CD34: variants seen among roughly 807,000 people sequenced by gnomAD.
CD34 encodes the protein hematopoietic progenitor cell antigen CD34.
In CD34, 34 loss-of-function variants were observed where a neutral mutation model predicts 40.1. The observed-to-expected ratio is 0.85, with a 90% CI of 0.65 to 1.13. CD34 has a LOEUF of 1.13. Ranked by LOEUF, CD34 falls within the 50% of genes most tolerant of loss-of-function variation. The pLI is 0.00. For synonymous variants in CD34, 209 were observed against 190.0 expected (o/e 1.10, Z -0.82); for missense variants, 426 against 466.9 (o/e 0.91, Z 0.81).
intron 3 of CD34, among the ~76,000 whole-genome samples, chr1:207,898,282 T>A (rs1048919758): frequency 2.6e-5 from 4 of 152,126 alleles, no homozygotes; most frequent in African/African-American, 7.2e-5. Flanking sequence ...TGACCTCAAG[T>A]GATCTGCCCA....
In CD34 at chr1:207,883,432, G is replaced by A. The variant is rs1010601216; in HGVS notation, c.*4306C>T. ...AGCACTTCATTTAGTCTTTCCTCGT[G>A]TTATTTCTCACTTTCTGTTGTGCAT... On this transcript the variant is annotated 3_prime_UTR_variant, in exon 8 of 8. Transcript: ENST00000310833. 3 of 152,152 alleles carry A rather than the reference G, an allele frequency of 2.0e-5. No individual in the cohort carries two copies. Among genetic ancestry groups the A allele is most frequent in the Admixed American group, 6.5e-5 (1 of 15,278 alleles). The allele number at this position is 152,152 out of a possible 1,614,324, so 9.4% of individuals were successfully genotyped here. A position where few individuals can be genotyped will look rare whatever the true frequency, so the allele number is the denominator to read the frequency against.
In CD34 at chr1:207,891,317, G is replaced by T. The variant is rs1466696898; in HGVS notation, c.598-1696C>A. Among the ~76,000 whole-genome samples the T allele has an allele frequency of 2.6e-5, 4 of 152,116 alleles. No individual in the cohort carries two copies. In the South Asian group the frequency reaches 8.3e-4, roughly 32 times the overall value. On this transcript the variant is annotated intron_variant, in intron 4 of 7. Transcript: ENST00000310833. The stretch of plus-strand genomic sequence containing the variant: ...TTGTATTCATGTGTCATGTGTAGGG[G>T]GGTGGGGATTGGGAGGTATCTATGA...
At position 207,887,909 on chromosome 1, in the gene CD34, A is replaced by T; in HGVS notation, c.987T>A (p.Tyr329Ter). Residue 329 changes from tyrosine to a stop codon, truncating the protein, a stop_gained, in exon 8 of 8, where the codon TAT (tyrosine) becomes TAA (stop). Transcript: ENST00000310833. LOFTEE classifies it high-confidence loss of function. ...CCTGGCCTCCACCGTTTTCCGTGTA[A>T]TAAGGGTCTTCGCCCTAGACAGTGT... ...PTGERLGEDP[Y>*]YTENGGGQGY... 1 of 1,613,962 alleles carries T rather than the reference A, an allele frequency of 6.2e-7. No homozygotes were observed. Among genetic ancestry groups the T allele is most frequent in the Non-Finnish European group, 8.5e-7 (1 of 1,179,968 alleles).
intron 2 of CD34, 131 bp from the exon 3 acceptor site, chr1:207,899,357 C>G (rs961733652): frequency 2.3e-6 from 2 of 880,300 alleles, no homozygotes; most frequent in African/African-American, 3.3e-5. Context: ...ACTTCGTGTC[C>G]CATCCCTGAC....
At position 207,884,966 on chromosome 1, in the gene CD34, G is replaced by C. The variant is rs1472666742; in HGVS notation, c.*2772C>G. The C allele has an allele frequency of 1.3e-5, 2 of 152,182 alleles. No homozygotes were observed. Among genetic ancestry groups the C allele is most frequent in the East Asian group, 3.8e-4 (2 of 5,196 alleles). The allele number at this position is 152,182 out of a possible 1,614,324, so 9.4% of individuals were successfully genotyped here. A position where few individuals can be genotyped will look rare whatever the true frequency, so the allele number is the denominator to read the frequency against. On this transcript the variant is annotated 3_prime_UTR_variant, in exon 8 of 8. Transcript: ENST00000310833. ...ACACGGAGGACTCGGCAGAAGAGTA[G>C]GATGATATGATGGAAGGGAAAACTA... is the stretch of plus-strand genomic sequence containing the variant.
At chr1:207,909,707 G>A (rs1031375605) in intron 1 of CD34, among the ~76,000 whole-genome samples, 8 of 152,128 alleles carry the variant, frequency 5.3e-5, no homozygotes, top group African/African-American at 1.4e-4. Context: ...GCGCCCGGCC[G>A]ACTCACTCCT....
In CD34 at chr1:207,900,956, G is replaced by C. The variant is rs939286663; in HGVS notation, c.80-953C>G. Among the ~76,000 whole-genome samples the C allele has an allele frequency of 4.0e-5, 6 of 149,810 alleles. No individual in the cohort carries two copies. In the East Asian group the frequency reaches 9.7e-4, roughly 24 times the overall value. ...CATTTTTCTCTGAAGATCTTCATGA[G>C]TGTCTTTGCACATCTCTTCTGTATA... On this transcript the variant is annotated intron_variant, in intron 1 of 7. Coordinates refer to ENST00000310833, the MANE Select transcript of CD34 (RefSeq NM_001025109.2).
intron 1 of CD34, among the ~76,000 whole-genome samples, chr1:207,905,289 C>T (rs1038254934): frequency 6.6e-6 from 1 of 152,228 alleles, no homozygotes; most frequent in Non-Finnish European, 1.5e-5. Context: ...GCATGTGCCA[C>T]CATGCCCGGC....
chr1:207,899,425 C>G (rs980547561), intron 2 of CD34, among the ~76,000 whole-genome samples, 199 bp from the exon 3 acceptor site: 1 of 152,138 alleles, frequency 6.6e-6, no homozygotes, highest in African/African-American at 2.4e-5. Flanking sequence ...TTAGAGGTGT[C>G]CTGAAACTGA....
chr1:207,893,514 C>T (rs779852044), intron 4 of CD34, among the ~76,000 whole-genome samples: 15 of 152,232 alleles, frequency 9.9e-5, no homozygotes, highest in Admixed American at 2.0e-4. Flanking sequence ...GGGCAGCTAA[C>T]GAAGGATGAG....
Position 207,897,486 on chromosome 1 carries a change from G to A in CD34, c.597+7C>T. On this transcript the variant is annotated splice_region_variant and intron_variant, in intron 4 of 7. Transcript: ENST00000310833. Reference sequence around the variant, plus strand: ...GGAGGAAGAGGTTGGGTGGGGGGTTGACTTACACAGCTGGAGGTCTTATTT... The same window carrying A: ...GGAGGAAGAGGTTGGGTGGGGGGTTAACTTACACAGCTGGAGGTCTTATTT... 6.4e-7 allele frequency: 1 copy of A among 1,552,778 alleles called. No homozygotes were observed. Among genetic ancestry groups the A allele is most frequent in the Non-Finnish European group, 8.7e-7 (1 of 1,145,666 alleles).
intron 4 of CD34, among the ~76,000 whole-genome samples, chr1:207,892,852 T>C (rs917332836): frequency 6.6e-6 from 1 of 152,162 alleles, no homozygotes; most frequent in African/African-American, 2.4e-5. Flanking sequence ...ACTCAGGGAA[T>C]TGTTGTTCAA....
chr1:207,895,075 C>A (rs1030536398), intron 4 of CD34, among the ~76,000 whole-genome samples: 1 of 152,140 alleles, frequency 6.6e-6, no homozygotes, highest in African/African-American at 2.4e-5. Context: ...TTAGGTAGGG[C>A]CTGAGGCTCC....
rs1662174757 is a variant in CD34 at position 207,897,524 on chromosome 1, A to T, written c.566T>A (p.Ile189Asn). The change falls in exon 4 of 8, where the codon ATC becomes AAC. Residue 189 changes from isoleucine (I) to asparagine (N), a missense_variant. Ile to Asn is a moderately radical substitution (Grantham distance 149). Transcript: ENST00000310833. ...GGAGGTCTTATTTTGCTCCAGGCAG[A>T]TGCCCTGAGTCAATTTCACTTCTCT... The part of the protein sequence containing the change: ...GIREVKLTQG[I>N]CLEQNKTSSC... The T allele has an allele frequency of 9.6e-6, 15 of 1,560,194 alleles. No individual in the cohort carries two copies. The highest frequency in any genetic ancestry group is 1.2e-5 in the Non-Finnish European group (14 of 1,150,398).
At chr1:207,898,224 T>C (rs1662192531) in intron 3 of CD34, among the ~76,000 whole-genome samples, 1 of 152,042 alleles carries the variant, frequency 6.6e-6, no homozygotes, top group African/African-American at 2.4e-5. Context: ...TTGTATGTTT[T>C]GGTAGAGACG....
rs756159892 is a variant in CD34 at position 207,889,445 on chromosome 1, C to T, written c.754+20G>A. On this transcript the variant is annotated intron_variant, in intron 5 of 7. Transcript: ENST00000310833. ...CAGCCCTACTCCTTCCCTGTTCCCC[C>T]AGGCAGAGGTGCACCTTACCTGTTC... The T allele has an allele frequency of 4.4e-6, 7 of 1,598,660 alleles. No homozygotes were observed. In the South Asian group the frequency reaches 5.6e-5, roughly 13 times the overall value.
chr1:207,907,088 C>T (rs1662398113), intron 1 of CD34, among the ~76,000 whole-genome samples: 1 of 152,026 alleles, frequency 6.6e-6, no homozygotes, highest in Admixed American at 6.6e-5. Context: ...CTTTACCCTC[C>T]CCAGAGAGCC....
At chr1:207,897,432 A>G in intron 4 of CD34, 61 bp downstream of exon 4, 1 of 1,240,208 alleles carries the variant, frequency 8.1e-7, no homozygotes, top group Non-Finnish European at 1.2e-6. Context: ...AAGGGTGTTC[A>G]GAAGGGATGG....
In CD34 at chr1:207,887,801, G is replaced by A. The variant is rs1661932753; in HGVS notation, c.1095C>T (p.Gly365=). 6.2e-7 allele frequency: 1 copy of A among 1,614,198 alleles called. No homozygotes were observed. Among genetic ancestry groups the A allele is most frequent in the East Asian group, 2.2e-5 (1 of 44,888 alleles). Residue 365 remains glycine (G), a synonymous_variant, in exon 8 of 8, where the codon GGC becomes GGT. Transcript: ENST00000310833. ...AATGGCCGTTTCTGGAGGTGGCCTG[G>A]CCGGTCCCGTTTTCCTGAGCCCCTC... ...VNRGAQENGT[G]QATSRNGHSA... is the part of the protein sequence containing the mutation.
Sources: gnomAD v4.1 joint callset for allele counts (sites outside exome capture counted in the v4.1 genomes callset) on GRCh38, gnomAD v4.1.1 for gene constraint, MANE v1.5 for transcripts, NCBI Gene and HGNC (gene_info 2026-07-23, HGNC 2026-07-21) for gene names.